ETAA1: variants seen among roughly 807,000 people sequenced by gnomAD.
ETAA1 encodes the protein ETAA1 activator of ATR kinase.
Under a neutral mutation model 76.8 loss-of-function variants are expected in ETAA1, and 49 were observed. The ratio of observed to expected loss-of-function variants is 0.64; its 90% CI spans 0.51 to 0.81. The LOEUF is 0.81. Ranked by LOEUF, ETAA1 falls within the 30% of genes least tolerant of loss-of-function variation. The pLI, the probability that ETAA1 is intolerant of heterozygous loss-of-function variation, is 0.00. For synonymous variants in ETAA1, 373 were observed against 372.2 expected (o/e 1.00, Z -0.03); for missense variants, 1,099 against 1,074.0 (o/e 1.02, Z -0.32).
At chr2:67,409,872 G>A (rs200005908) in intron 5 of ETAA1, 39 bp from the exon 6 acceptor site, 72 of 1,562,564 alleles carry the variant, frequency 4.6e-5, no homozygotes, top group Middle Eastern at 3.4e-4. Flanking sequence ...TGACTTTATA[G>A]GCTATAAAAG....
chr2:67,403,521 C>A lies in ETAA1; in HGVS notation c.839C>A (p.Ala280Glu). Residue 280 changes from alanine to glutamate, a missense_variant, in exon 5 of 6, where the codon GCA becomes GAA. Ala to Glu is a moderately radical substitution (Grantham distance 107). Coordinates refer to ENST00000272342, the MANE Select transcript of ETAA1 (RefSeq NM_019002.4). The stretch of plus-strand genomic sequence containing the variant: ...AAGCCATTTGACCAAATTGCTGAAG[C>A]AGCCTTTAATGCTATTTTTGATGGT... ...SQKPFDQIAE[A>E]AFNAIFDGST... 6.2e-7 allele frequency: 1 copy of A among 1,613,496 alleles called. No homozygotes were observed. The highest frequency in any genetic ancestry group is 1.3e-5 in the African/African-American group (1 of 75,008).
At chr2:67,397,852 T>C (rs770916238) in intron 1 of ETAA1, among the ~76,000 whole-genome samples, 181 bp downstream of exon 1, 1 of 152,154 alleles carries the variant, frequency 6.6e-6, no homozygotes, top group Non-Finnish European at 1.5e-5. Flanking sequence ...GTCCCCGAAC[T>C]TCAGCACTAC....
At position 67,397,586 on chromosome 2, in the gene ETAA1, C is replaced by G; in HGVS notation, c.138C>G (p.Cys46Trp). The G allele has an allele frequency of 6.4e-7, 1 of 1,556,048 alleles. No homozygotes were observed. Among genetic ancestry groups the G allele is most frequent in the Non-Finnish European group, 8.7e-7 (1 of 1,150,526 alleles). Residue 46 changes from cysteine to tryptophan, a missense_variant, in exon 1 of 6, where the codon TGC becomes TGG. Physicochemically the swap from Cys to Trp is radical, Grantham distance 215 (BLOSUM62 -2). Around this residue, in one of 3 missense-constraint regions of ETAA1, gnomAD observed 761 missense variants for 731.9 expected, o/e 1.04. Transcript: ENST00000272342. ...RLRSARGSWPCGAREGPPGPV... is the reference protein window; with the variant it reads ...RLRSARGSWPWGAREGPPGPV... ...GATCGGCCCGCGGTTCGTGGCCCTG[C>G]GGGGCTAGAGAGGGGCCTCCCGGGC...
At chr2:67,400,875 T>C (rs1004308621) in intron 3 of ETAA1, 1 of 152,182 alleles carries the variant, frequency 6.6e-6, no homozygotes, top group Non-Finnish European at 1.5e-5. Context: ...ACAACTCTGT[T>C]GCTACTAGCT....
Position 67,405,062 on chromosome 2 carries a change from T to A in ETAA1, c.2380T>A (p.Leu794Met). ...NTEITTYKKK[L>M]STNQPCHKTV... ...AGAAATTACTACTTATAAGAAGAAA[T>A]TGAGTACTAATCAGCCATGCCATAA... The change falls in exon 5 of 6, where the codon TTG (leucine) becomes ATG (methionine). Residue 794 changes from leucine (L) to methionine (M), a missense_variant. Coordinates refer to ENST00000272342, the MANE Select transcript of ETAA1 (RefSeq NM_019002.4). 1 of 1,612,104 alleles carries A rather than the reference T, an allele frequency of 6.2e-7. No individual in the cohort carries two copies. The highest frequency in any genetic ancestry group is 8.5e-7 in the Non-Finnish European group (1 of 1,179,100).
In ETAA1 at chr2:67,404,261, A is replaced by C; in HGVS notation, c.1579A>C (p.Arg527=). Residue 527 remains arginine (R), a synonymous_variant, in exon 5 of 6, where the codon AGG becomes CGG. Coordinates refer to ENST00000272342, the MANE Select transcript of ETAA1 (RefSeq NM_019002.4). The stretch of plus-strand genomic sequence containing the variant: ...TGAAAGGAAGTCAGCTTTGAACACA[A>C]GGTATTCTAATGAACAGAAAAATAA... ...ASERKSALNT[R]YSNEQKNKCI... is the part of the protein sequence containing the mutation. 6.2e-7 allele frequency: 1 copy of C among 1,612,390 alleles called. No homozygotes were observed. The highest frequency in any genetic ancestry group is 8.5e-7 in the Non-Finnish European group (1 of 1,179,194).
chr2:67,405,425 A>G, intron 5 of ETAA1, 90 bp downstream of exon 5: 1 of 1,011,708 alleles, frequency 9.9e-7, no homozygotes, highest in Non-Finnish European at 1.4e-6. Flanking sequence ...TGAGTAATGT[A>G]TAAGGTAAAA....
At position 67,404,819 on chromosome 2, in the gene ETAA1, G is replaced by C; in HGVS notation, c.2137G>C (p.Asp713His). Residue 713 changes from aspartate (D) to histidine (H), a missense_variant, in exon 5 of 6, where the codon GAT (aspartate) becomes CAT (histidine). Transcript: ENST00000272342. ...ATCTTTGACAAATAGCTCACAAATA[G>C]ATAAGCCAATGAAGATGGAGAAAGG... ...QTSLTNSSQI[D>H]KPMKMEKGEM... is the part of the protein sequence containing the mutation. 6.2e-7 allele frequency: 1 copy of C among 1,613,276 alleles called. No homozygotes were observed. Among genetic ancestry groups the C allele is most frequent in the Non-Finnish European group, 8.5e-7 (1 of 1,179,482 alleles).
chr2:67,398,219 T>TA (rs141642164), intron 1 of ETAA1, among the ~76,000 whole-genome samples: 7,726 of 152,164 alleles, frequency 0.051, 274 homozygotes, highest in Middle Eastern at 0.082. Flanking sequence ...TTTTAGGTGT[T>TA]ACTTTTTAAA....
At chr2:67,407,909 G>T (rs998201776) in intron 5 of ETAA1, among the ~76,000 whole-genome samples, 4 of 151,970 alleles carry the variant, frequency 2.6e-5, no homozygotes, top group Admixed American at 2.0e-4. Context: ...CAAATGAGTG[G>T]ACTTGCCAGT....
At position 67,404,225 on chromosome 2, in the gene ETAA1, A is replaced by G; in HGVS notation, c.1543A>G (p.Thr515Ala). ...KIKEDILTNSTEASERKSALN... is the reference protein window; with the variant it reads ...KIKEDILTNSAEASERKSALN... ...AAAGGAAGATATTCTTACTAACTCTACTGAAGCTTCTGAAAGGAAGTCAGC... is the reference window on the plus strand; with the variant it reads ...AAAGGAAGATATTCTTACTAACTCTGCTGAAGCTTCTGAAAGGAAGTCAGC... Residue 515 changes from threonine to alanine, a missense_variant, in exon 5 of 6, where the codon ACT becomes GCT. Physicochemically the swap from Thr to Ala is moderately conservative, Grantham distance 58. This residue lies in a region of ETAA1 where 761 missense variants were observed against 731.9 expected (regional missense o/e 1.04). Transcript: ENST00000272342. 3.1e-6 allele frequency: 5 copies of G among 1,612,316 alleles called. No individual in the cohort carries two copies. Among genetic ancestry groups the G allele is most frequent in the South Asian group, 2.2e-5 (2 of 90,984 alleles).
chr2:67,401,071 A>T (rs1310359549), intron 3 of ETAA1: 1 of 152,134 alleles, frequency 6.6e-6, no homozygotes, highest in Non-Finnish European at 1.5e-5. Context: ...TGATAAAAAG[A>T]TAGTTGTGAA....
rs2103734938 is a variant in ETAA1 at position 67,397,383 on chromosome 2, G to A, written c.-66G>A. 2 of 1,479,834 alleles carry A rather than the reference G, an allele frequency of 1.4e-6. No homozygotes were observed. The highest frequency in any genetic ancestry group is 1.8e-6 in the Non-Finnish European group (2 of 1,082,958). The allele number at this position is 1,479,834 out of a possible 1,614,324, so 91.7% of individuals were successfully genotyped here. ...GGTGCGGGGTGCGGTTTGTAGTGCT[G>A]TTGCCCTACTCATCCCTTTGCAAAA... On this transcript the variant is annotated 5_prime_UTR_variant, in exon 1 of 6. Transcript: ENST00000272342.
chr2:67,407,359 T>C (rs1676248572), intron 5 of ETAA1, among the ~76,000 whole-genome samples: 1 of 152,120 alleles, frequency 6.6e-6, no homozygotes, highest in Non-Finnish European at 1.5e-5. Context: ...GCTTGCGGGC[T>C]GCGGGTTGGA....
chr2:67,410,589 A>G lies in ETAA1; in HGVS notation c.*551A>G, dbSNP rs1676347167. ...AGTGGATTTGAATTTTAATAATTCT[A>G]AAATGTGACACATTTTGGAAACTTT... On this transcript the variant is annotated 3_prime_UTR_variant, in exon 6 of 6. Coordinates refer to ENST00000272342, the MANE Select transcript of ETAA1 (RefSeq NM_019002.4). 6.6e-6 allele frequency: 1 copy of G among 152,106 alleles called. No homozygotes were observed. Among genetic ancestry groups the G allele is most frequent in the Non-Finnish European group, 1.5e-5 (1 of 67,990 alleles). The allele number at this position is 152,106 out of a possible 1,614,324, so 9.4% of individuals were successfully genotyped here.
Position 67,404,668 on chromosome 2 carries a change from A to G in ETAA1, c.1986A>G (p.Ser662=), listed in dbSNP as rs113974372. 847 of 1,612,660 alleles carry G rather than the reference A, an allele frequency of 5.3e-4. 6 individuals are homozygous for G. In the African/African-American group the frequency reaches 9.7e-3, roughly 18 times the overall value. The change falls in exon 5 of 6, where the codon TCA becomes TCG. Residue 662 remains serine, a synonymous_variant. Coordinates refer to ENST00000272342, the MANE Select transcript of ETAA1 (RefSeq NM_019002.4). ...ACATTAGAAAGGACAGTAAGACATC[A>G]GAAAGTATATGTGAGATCAATAATA... ...QQDIRKDSKT[S]ESICEINNNS...
At chr2:67,400,590 G>A (rs932275005) in intron 3 of ETAA1, 1 of 152,108 alleles carries the variant, frequency 6.6e-6, no homozygotes, top group African/African-American at 2.4e-5. Context: ...GGCTCAATAC[G>A]TGAAACTGTT....
chr2:67,409,181 G>C (rs939863424), intron 5 of ETAA1, among the ~76,000 whole-genome samples: 3 of 151,936 alleles, frequency 2.0e-5, no homozygotes, highest in Non-Finnish European at 4.4e-5. Flanking sequence ...CAGAATAAAT[G>C]ATATACTTAA....
In ETAA1 at chr2:67,411,700, A is replaced by G. The variant is rs964105390; in HGVS notation, c.*1662A>G. 1.3e-5 allele frequency: 2 copies of G among 152,116 alleles called. No individual in the cohort carries two copies. The highest frequency in any genetic ancestry group is 2.9e-5 in the Non-Finnish European group (2 of 67,990). The allele number at this position is 152,116 out of a possible 1,614,324, so 9.4% of individuals were successfully genotyped here. Reference sequence around the variant, plus strand: ...CATTTTAAGTTGGAGACTGTACATCAAAAATGGTATTTTCATATCTACAGT... The same window carrying G: ...CATTTTAAGTTGGAGACTGTACATCGAAAATGGTATTTTCATATCTACAGT... On this transcript the variant is annotated 3_prime_UTR_variant, in exon 6 of 6. Transcript: ENST00000272342.
Sources: allele counts gnomAD v4.1 joint callset (sites outside exome capture counted in the v4.1 genomes callset), GRCh38; gene constraint gnomAD v4.1.1; regional missense constraint gnomAD v4.1.1; transcripts MANE v1.5; gene names NCBI Gene and HGNC (gene_info 2026-07-23, HGNC 2026-07-21).